Variants in GPC5 observed in about 807,000 individuals in gnomAD.
GPC5 encodes the protein glypican 5.
A neutral mutation model predicts 53.9 loss-of-function variants in GPC5; 47 were observed. The ratio of observed to expected loss-of-function variants is 0.87; its 90% confidence interval spans 0.69 to 1.11. The LOEUF (loss-of-function observed/expected upper bound fraction) is 1.11, where lower values mean the gene tolerates loss of function less well. GPC5 is among the 50% of genes most tolerant of loss of function. GPC5 has a pLI of 0.00. For missense variants in GPC5, 748 were observed against 713.1 expected, an observed-to-expected ratio of 1.05 and a Z score of -0.56; for synonymous variants, 286 against 263.3, an observed-to-expected ratio of 1.09 and a Z score of -0.84.
At chr13:92,253,284 T>C (rs7992137) in intron 7 of GPC5, among the ~76,000 whole-genome samples, 45,311 of 151,912 alleles carry the variant, frequency 0.3, 7,237 homozygotes, top group South Asian at 0.45. Flanking sequence ...AAGATATTAA[T>C]GGGTGATGAG....
At chr13:92,125,478 G>A (rs150499844) in intron 6 of GPC5, among the ~76,000 whole-genome samples, 69 of 152,182 alleles carry the variant, frequency 4.5e-4, no homozygotes, top group African/African-American at 1.1e-3. Context: ...TTGAAGCAAC[G>A]TGAATGATGT....
At chr13:92,753,759 C>T (rs138026569) in intron 7 of GPC5, among the ~76,000 whole-genome samples, 7,577 of 151,096 alleles carry the variant, frequency 0.05, 289 homozygotes, top group African/African-American at 0.1. Flanking sequence ...TGAAATGAAG[C>T]GAGAAGGGAA....
intron 7 of GPC5, among the ~76,000 whole-genome samples, chr13:92,818,465 C>T: frequency 6.6e-6 from 1 of 151,914 alleles, no homozygotes; most frequent in Non-Finnish European, 1.5e-5. Context: ...ATATGTCCTT[C>T]TGCAGGGAAG....
chr13:92,663,883 T>C lies in GPC5; in HGVS notation c.1562-202399T>C, dbSNP rs1566351176. Among the ~76,000 whole-genome samples the C allele has an allele frequency of 5.3e-5, 5 of 95,146 alleles. No individual in the cohort carries two copies. The East Asian group carries it at 2.4e-3, about 46-fold the overall frequency. 62.4% of individuals were successfully genotyped at this position (95,146 alleles called of 152,430 possible). A position where few individuals can be genotyped will look rare whatever the true frequency, so the allele number is the denominator to read the frequency against. On this transcript the variant is annotated intron_variant, in intron 7 of 7. Coordinates refer to ENST00000377067, the MANE Select transcript of GPC5 (RefSeq NM_004466.6). ...ATATATATATATATATATATATATA[T>C]ATATATATATATATATATATACACA...
intron 7 of GPC5, among the ~76,000 whole-genome samples, chr13:92,229,828 A>C (rs1438482756): frequency 1.3e-5 from 2 of 151,888 alleles, no homozygotes; most frequent in Non-Finnish European, 2.9e-5. Flanking sequence ...GGCCTTAAAA[A>C]CTCTTGTAGT....
chr13:92,652,087 G>A (rs908386401), intron 7 of GPC5, among the ~76,000 whole-genome samples: 2 of 152,002 alleles, frequency 1.3e-5, no homozygotes, highest in African/African-American at 4.8e-5. Context: ...TAATATTGAG[G>A]GTTATAGGAA....
Position 91,448,798 on chromosome 13 carries a change from A to G in GPC5, c.201A>G (p.Thr67=), listed in dbSNP as rs1880976688. The G allele has an allele frequency of 4.3e-6, 7 of 1,613,702 alleles. No homozygotes were observed. Among genetic ancestry groups the G allele is most frequent in the East Asian group, 4.5e-5 (2 of 44,870 alleles). ...AGGTTTGCATATCCAAAAAGCCTACATGTTGCACCAGGAAGATGGAGGAGA... is the reference window on the plus strand; with the variant it reads ...AGGTTTGCATATCCAAAAAGCCTACGTGTTGCACCAGGAAGATGGAGGAGA... The part of the protein sequence containing the change: ...DLQVCISKKP[T]CCTRKMEERY... Residue 67 remains threonine (T), a synonymous_variant, in exon 2 of 8, where the codon ACA becomes ACG. Transcript: ENST00000377067.
chr13:92,345,161 A>G (rs1357994903), intron 7 of GPC5, among the ~76,000 whole-genome samples: 1 of 152,210 alleles, frequency 6.6e-6, no homozygotes, highest in Non-Finnish European at 1.5e-5. Context: ...TAAATTCAGA[A>G]TATCATAGTA....
chr13:92,298,859 C>T (rs965733224), intron 7 of GPC5, among the ~76,000 whole-genome samples: 10 of 152,100 alleles, frequency 6.6e-5, no homozygotes, highest in Non-Finnish European at 5.9e-5. Flanking sequence ...CCATGATCTG[C>T]GGATGAGATC....
rs538354808 is a variant in GPC5 at position 91,449,758 on chromosome 13, A to T, written c.325+836A>T. ...AATAGGTTATAAAATTACAAGGCAC[A>T]CTGAAAAATACATGATGTTTTTCTT... On this transcript the variant is annotated intron_variant, in intron 2 of 7. Coordinates refer to ENST00000377067, the MANE Select transcript of GPC5 (RefSeq NM_004466.6). Among the ~76,000 whole-genome samples the T allele has an allele frequency of 2.6e-5, 4 of 152,202 alleles. No homozygotes were observed. The South Asian group carries it at 8.3e-4, about 32-fold the overall frequency.
At chr13:92,492,073 C>T (rs77612093) in intron 7 of GPC5, among the ~76,000 whole-genome samples, 3,137 of 152,136 alleles carry the variant, frequency 0.021, 49 homozygotes, top group Non-Finnish European at 0.032. Flanking sequence ...GTGATCTGGA[C>T]CTCAAAACCT....
intron 6 of GPC5, among the ~76,000 whole-genome samples, chr13:92,115,833 G>A (rs2041596461): frequency 6.6e-6 from 1 of 151,776 alleles, no homozygotes; most frequent in Admixed American, 6.6e-5. Flanking sequence ...AAATTCCTAT[G>A]TTGAAGTCCT....
rs570532410 is a variant in GPC5, at chr13:91,474,041, G to C, written c.325+25119G>C. Among the ~76,000 whole-genome samples the C allele has an allele frequency of 2.6e-5, 4 of 152,272 alleles. No individual in the cohort carries two copies. In the South Asian group the frequency reaches 8.3e-4, roughly 32 times the overall value. On this transcript the variant is annotated intron_variant, in intron 2 of 7. Coordinates refer to ENST00000377067, the MANE Select transcript of GPC5 (RefSeq NM_004466.6). Reference sequence around the variant, plus strand: ...GGGAGGTTGGAAGTTGAAATGTCCAGTGTAGGTTGTGAAGACATCAGGAAT... The same window carrying C: ...GGGAGGTTGGAAGTTGAAATGTCCACTGTAGGTTGTGAAGACATCAGGAAT...
chr13:92,601,554 CAAAAAAAAAA>C (rs57333686), intron 7 of GPC5, among the ~76,000 whole-genome samples: 1 of 67,402 alleles, frequency 1.5e-5, no homozygotes, highest in African/African-American at 4.3e-5. Context: ...GACTCCATCT[CAAAAAAAAAA>C]AAAAAAAAAA....
At chr13:92,027,715 T>G (rs1257748616) in intron 6 of GPC5, among the ~76,000 whole-genome samples, 1 of 152,134 alleles carries the variant, frequency 6.6e-6, no homozygotes, top group Admixed American at 6.6e-5. Context: ...TTACACAATT[T>G]CTCATTGCAA....
chr13:92,395,906 T>C (rs560049780), intron 7 of GPC5, among the ~76,000 whole-genome samples: 2 of 146,102 alleles, frequency 1.4e-5, no homozygotes, highest in African/African-American at 5.0e-5. Context: ...TGTTTGTTTC[T>C]GTTTTTTTTT....
chr13:91,900,870 A>G (rs149723329), intron 5 of GPC5, among the ~76,000 whole-genome samples: 193 of 152,180 alleles, frequency 1.3e-3, no homozygotes, highest in Admixed American at 2.9e-3. Context: ...ATTCACACAG[A>G]TGCTTATTTT....
intron 7 of GPC5, among the ~76,000 whole-genome samples, chr13:92,275,218 C>A (rs1594057908): frequency 6.6e-6 from 1 of 152,216 alleles, no homozygotes; most frequent in Non-Finnish European, 1.5e-5. Flanking sequence ...TAAAACCCTA[C>A]TTTACATAAT....
intron 7 of GPC5, among the ~76,000 whole-genome samples, chr13:92,609,078 C>T (rs1406579702): frequency 1.3e-5 from 2 of 152,162 alleles, no homozygotes; most frequent in Admixed American, 1.3e-4. Flanking sequence ...TAGCTATTTA[C>T]TCCTCTTTGC....
Sources: allele counts gnomAD v4.1 joint callset (sites outside exome capture counted in the v4.1 genomes callset), GRCh38; gene constraint gnomAD v4.1.1; transcripts MANE v1.5; gene names NCBI Gene and HGNC (gene_info 2026-07-23, HGNC 2026-07-21).